The following TRIM31 variants were observed in gnomAD, a reference collection of about 807,000 sequenced individuals.
The protein encoded by TRIM31 is tripartite motif containing 31, also known as E3 ubiquitin-protein ligase TRIM31.
A neutral mutation model predicts 40.6 loss-of-function variants in TRIM31; 31 were observed. That is an observed-to-expected ratio of 0.76 (90% confidence interval 0.57 to 1.03). The LOEUF (loss-of-function observed/expected upper bound fraction) is 1.03. Among genes scored for constraint, TRIM31 ranks in the 50% least tolerant of loss-of-function variants. The pLI, the probability that TRIM31 is intolerant of heterozygous loss-of-function variation, is 0.00. For missense variants in TRIM31, 455 were observed against 497.5 expected, an observed-to-expected ratio of 0.91 and a Z score of 0.81; for synonymous variants, 164 against 193.9, an observed-to-expected ratio of 0.85 and a Z score of 1.28.
Position 30,111,943 on chromosome 6 carries a change from G to A in TRIM31, c.418-200C>T, listed in dbSNP as rs145043920. 4.3e-3 allele frequency: 2,641 copies of A among 607,812 alleles called. 8 individuals carry two copies. Among genetic ancestry groups the A allele is most frequent in the Middle Eastern group, 0.012 (27 of 2,282 alleles). The allele number at this position is 607,812 out of a possible 1,614,324, so 37.7% of individuals were successfully genotyped here. A position where few individuals can be genotyped will look rare whatever the true frequency, so the allele number is the denominator to read the frequency against. ...GGAGCCTAAGTGACCTAAATGACCA[G>A]AACATAGTTATTTATGACTAACTAG... On this transcript the variant is annotated intron_variant, in intron 2 of 8. Coordinates refer to ENST00000376734, the MANE Select transcript of TRIM31 (RefSeq NM_007028.5).
rs1374615309 is a variant in TRIM31, at chr6:30,105,104, A to T, written c.958+64T>A. 2.1e-6 allele frequency: 3 copies of T among 1,436,564 alleles called. No individual in the cohort carries two copies. In the African/African-American group the frequency reaches 4.2e-5, roughly 20 times the overall value. 89.0% of individuals were successfully genotyped at this position (1,436,564 alleles called of 1,614,324 possible). A position where few individuals can be genotyped will look rare whatever the true frequency, so the allele number is the denominator to read the frequency against. On this transcript the variant is annotated intron_variant, in intron 7 of 8. Transcript: ENST00000376734. ...GGCCTTCATGTAATCATAGAGACAC[A>T]ATTCTTCCCCTTTTCTCACTTTCCC... is the stretch of plus-strand genomic sequence containing the variant.
chr6:30,109,665 G>C lies in TRIM31; in HGVS notation c.745-617C>G, dbSNP rs776773572. Reference sequence around the variant, plus strand: ...GGAGGCTGAGGTGGGCAGATCACTTGAGGTCAGGAGTTCGAGACCATCCTG... The same window carrying C: ...GGAGGCTGAGGTGGGCAGATCACTTCAGGTCAGGAGTTCGAGACCATCCTG... On this transcript the variant is annotated intron_variant, in intron 4 of 8. Transcript: ENST00000376734. 3.4e-4 allele frequency among the ~76,000 whole-genome samples: 52 copies of C among 152,266 alleles called. 1 individual carries two copies. Among genetic ancestry groups the C allele is most frequent in the Middle Eastern group, 6.8e-3 (2 of 294 alleles).
chr6:30,103,934 C>T (rs1042490446), intron 8 of TRIM31, 145 bp from the exon 9 acceptor site: 3 of 1,406,958 alleles, frequency 2.1e-6, no homozygotes, highest in Admixed American at 2.0e-5. Context: ...CAAGTCGGAG[C>T]GCCCTCTGTT....
At chr6:30,110,872 G>A (rs530063252) in intron 3 of TRIM31, among the ~76,000 whole-genome samples, 194 bp from the exon 4 acceptor site, 2 of 152,194 alleles carry the variant, frequency 1.3e-5, no homozygotes, top group Non-Finnish European at 2.9e-5. Flanking sequence ...AGCTTTAAGC[G>A]AAATTATTAA....
Position 30,103,266 on chromosome 6 carries a change from A to C in TRIM31, c.*270T>G. The C allele has an allele frequency of 1.7e-6, 1 of 582,014 alleles. No homozygotes were observed. 36.1% of individuals were successfully genotyped at this position (582,014 alleles called of 1,614,324 possible). On this transcript the variant is annotated 3_prime_UTR_variant, in exon 9 of 9. Transcript: ENST00000376734. ...TTCCACTAGGCGGCACCACAGCCAA[A>C]GTGATAAGAAGTCAAGCGTGGGGCG...
In TRIM31 at chr6:30,112,873, A is replaced by G; in HGVS notation, c.-68T>C. On this transcript the variant is annotated 5_prime_UTR_variant, in exon 2 of 9. Transcript: ENST00000376734. ...CAAGTCTGTAGGAGCCCCGGAGTCC[A>G]CTGTGGATACTGTTTCTAGGAAGGG... The G allele has an allele frequency of 6.2e-6, 9 of 1,456,832 alleles. No homozygotes were observed. Among genetic ancestry groups the G allele is most frequent in the Non-Finnish European group, 7.3e-6 (8 of 1,091,540 alleles). 90.2% of individuals were successfully genotyped at this position (1,456,832 alleles called of 1,614,324 possible).
Position 30,112,621 on chromosome 6 carries a change from T to C in TRIM31, c.185A>G (p.Lys62Arg). 6.2e-7 allele frequency: 1 copy of C among 1,613,140 alleles called. No individual in the cohort carries two copies. Among genetic ancestry groups the C allele is most frequent in the African/African-American group, 1.3e-5 (1 of 75,072 alleles). ...KCPLCKTSVR[K>R]NAIRFNSLLR... ...CAGCGAGTTGAACCTGATTGCGTTC[T>C]TCCTTACGGAAGTTTTGCAGAGGGG... The change falls in exon 2 of 9, where the codon AAG (lysine) becomes AGG (arginine). Residue 62 changes from lysine to arginine, a missense_variant. Physicochemically the swap from Lys to Arg is conservative, Grantham distance 26. Coordinates refer to ENST00000376734, the MANE Select transcript of TRIM31 (RefSeq NM_007028.5).
At chr6:30,112,363 A>T (rs1168955263) in intron 2 of TRIM31, 26 bp downstream of exon 2, 1 of 1,585,026 alleles carries the variant, frequency 6.3e-7, no homozygotes, top group Non-Finnish European at 8.6e-7. Flanking sequence ...TGATGGGGGA[A>T]CAGGGAAGAA....
Position 30,110,558 on chromosome 6 carries a change from C to G in TRIM31, c.634G>C (p.Glu212Gln). ...RIYWLGHEGT[E>Q]AGKHYVASTE... ...GAGGCAACATAGTGTTTCCCCGCTT[C>G]CGTTCCCTCATGACCCAGCCAGTAA... Residue 212 changes from glutamate (E) to glutamine (Q), a missense_variant, in exon 4 of 9, where the codon GAA becomes CAA. Transcript: ENST00000376734. 6.2e-7 allele frequency: 1 copy of G among 1,614,202 alleles called. No individual in the cohort carries two copies. Among genetic ancestry groups the G allele is most frequent in the South Asian group, 1.1e-5 (1 of 91,084 alleles).
chr6:30,104,102 C>T lies in TRIM31; in HGVS notation c.1024G>A (p.Gly342Ser), dbSNP rs762277380. 4 of 1,612,992 alleles carry T rather than the reference C, an allele frequency of 2.5e-6. No homozygotes were observed. The highest frequency in any genetic ancestry group is 3.3e-5 in the Admixed American group (2 of 60,020). Residue 342 changes from glycine to serine, a missense_variant and splice_region_variant, in exon 8 of 9, where the codon GGC becomes AGC. Physicochemically the swap from Gly to Ser is moderately conservative, Grantham distance 56. Transcript: ENST00000376734. ...TAGTATTCAGAGACAGGACTCTTACCTGCAGAAGATGACCCGGGCTCTGAG... is the reference window on the plus strand; with the variant it reads ...TAGTATTCAGAGACAGGACTCTTACTTGCAGAAGATGACCCGGGCTCTGAG... ...KTSEPGSSSAGGRTTSGPPNH... is the reference protein window; with the variant it reads ...KTSEPGSSSASGRTTSGPPNH...
chr6:30,106,597 G>GAA (rs147839000), intron 6 of TRIM31, among the ~76,000 whole-genome samples: 3 of 148,406 alleles, frequency 2.0e-5, no homozygotes, highest in African/African-American at 5.0e-5. Flanking sequence ...AAAAATAAGA[G>GAA]AAAAAAAAAA....
Position 30,112,473 on chromosome 6 carries a change from C to A in TRIM31, c.333G>T (p.Lys111Asn). 6.2e-7 allele frequency: 1 copy of A among 1,613,138 alleles called. No homozygotes were observed. Among genetic ancestry groups the A allele is most frequent in the Non-Finnish European group, 8.5e-7 (1 of 1,180,042 alleles). ...MFHYFCEDDG[K>N]FLCFVCRESK... ...ATTCACGACACACAAAACAGAGGAA[C>A]TTCCCATCATCCTCGCAGAAATAGT... The change falls in exon 2 of 9, where the codon AAG (lysine) becomes AAT (asparagine). Residue 111 changes from lysine (K) to asparagine (N), a missense_variant. Transcript: ENST00000376734.
chr6:30,110,271 A>G (rs995386638), intron 4 of TRIM31, among the ~76,000 whole-genome samples, 177 bp downstream of exon 4: 6 of 152,256 alleles, frequency 3.9e-5, no homozygotes, highest in Non-Finnish European at 4.4e-5. Context: ...TATGAATTAC[A>G]TATGTGGCTC....
chr6:30,110,166 T>C (rs574507676), intron 4 of TRIM31, among the ~76,000 whole-genome samples: 2 of 152,174 alleles, frequency 1.3e-5, no homozygotes, highest in Non-Finnish European at 2.9e-5. Flanking sequence ...TTAATTTCAC[T>C]TTTATCATTT....
intron 5 of TRIM31, among the ~76,000 whole-genome samples, chr6:30,108,450 T>G (rs1051232671): frequency 4.6e-5 from 7 of 151,414 alleles, no homozygotes; most frequent in Non-Finnish European, 7.4e-5. Flanking sequence ...TCTCAGCTAC[T>G]TGGGAGGCTG....
In TRIM31 at chr6:30,103,258, A is replaced by G; in HGVS notation, c.*278T>C. 1.8e-6 allele frequency: 1 copy of G among 570,660 alleles called. No individual in the cohort carries two copies. Among genetic ancestry groups the G allele is most frequent in the Non-Finnish European group, 3.1e-6 (1 of 321,876 alleles). 35.3% of individuals were successfully genotyped at this position (570,660 alleles called of 1,614,324 possible). A position where few individuals can be genotyped will look rare whatever the true frequency, so the allele number is the denominator to read the frequency against. On this transcript the variant is annotated 3_prime_UTR_variant, in exon 9 of 9. Coordinates refer to ENST00000376734, the MANE Select transcript of TRIM31 (RefSeq NM_007028.5). ...CTTCCTTTTTCCACTAGGCGGCACC[A>G]CAGCCAAAGTGATAAGAAGTCAAGC...
In TRIM31 at chr6:30,103,795, C is replaced by T. The variant is rs746898034; in HGVS notation, c.1025-6G>A. On this transcript the variant is annotated splice_polypyrimidine_tract_variant and splice_region_variant and intron_variant, in intron 8 of 8. Transcript: ENST00000376734. ...CCCCGATGTAGTTCTGCCGCCTTTG[C>T]GGGAGAAGGAAAGGAGAAAAGAGGT... The T allele has an allele frequency of 6.2e-7, 1 of 1,612,590 alleles. No homozygotes were observed. The highest frequency in any genetic ancestry group is 8.5e-7 in the Non-Finnish European group (1 of 1,179,898).
chr6:30,111,933 TA>T (rs1040548307), intron 2 of TRIM31, 190 bp from the exon 3 acceptor site: 11 of 615,356 alleles, frequency 1.8e-5, no homozygotes, highest in African/African-American at 1.5e-4. Context: ...CTAAGTGACC[TA>T]AATGACCAGA....
chr6:30,112,719 G>A lies in TRIM31; in HGVS notation c.87C>T (p.Ile29=), dbSNP rs2844793. Residue 29 remains isoleucine, a synonymous_variant, in exon 2 of 9, where the codon ATC becomes ATT. Coordinates refer to ENST00000376734, the MANE Select transcript of TRIM31 (RefSeq NM_007028.5). ...TGAGGCAGAAATTGTGCCCACAGTCGATGGTGACAGGTTTCTGCAGAATGT... is the reference window on the plus strand; with the variant it reads ...TGAGGCAGAAATTGTGCCCACAGTCAATGGTGACAGGTTTCTGCAGAATGT... ...CLDILQKPVT[I]DCGHNFCLKC... 0.14 allele frequency: 233,465 copies of A among 1,613,016 alleles called. 18,898 individuals are homozygous for A. Among genetic ancestry groups the A allele is most frequent in the Non-Finnish European group, 0.16 (191,050 of 1,179,996 alleles).
Sources: allele counts gnomAD v4.1 joint callset (sites outside exome capture counted in the v4.1 genomes callset), GRCh38; gene constraint gnomAD v4.1.1; transcripts MANE v1.5; gene names NCBI Gene and HGNC (gene_info 2026-07-23, HGNC 2026-07-21).